SP4: variants seen among roughly 807,000 people sequenced by gnomAD.
The protein encoded by SP4 is Sp4 transcription factor.
In SP4, 19 loss-of-function variants were observed where a neutral mutation model predicts 72.8. That is an observed-to-expected ratio of 0.26 (90% CI 0.18 to 0.38). The LOEUF is 0.38. Among genes scored for constraint, SP4 ranks in the 10% least tolerant of loss-of-function variants. The pLI is 1.00. For synonymous variants in SP4, 395 were observed against 333.1 expected (o/e 1.19, Z -2.02); for missense variants, 1,008 against 926.3 (o/e 1.09, Z -1.14).
chr7:21,443,964 G>A (rs980009600), intron 3 of SP4, among the ~76,000 whole-genome samples: 1 of 152,166 alleles, frequency 6.6e-6, no homozygotes, highest in Non-Finnish European at 1.5e-5. Flanking sequence ...GATTTTGTTA[G>A]TATAGGTTTT....
At chr7:21,470,144 T>C (rs772368751) in intron 3 of SP4, among the ~76,000 whole-genome samples, 1 of 152,228 alleles carries the variant, frequency 6.6e-6, no homozygotes, top group Non-Finnish European at 1.5e-5. Context: ...CCCTGTGATA[T>C]ACTGCTGGCC....
Position 21,436,647 on chromosome 7 carries a change from G to A in SP4, c.1678+5804G>A, listed in dbSNP as rs544183058. On this transcript the variant is annotated intron_variant, in intron 3 of 5. Coordinates refer to ENST00000222584, the MANE Select transcript of SP4 (RefSeq NM_003112.5). ...AGTGTACACATATATGTGCTCTTCT[G>A]TACTTTTCTGATGCGGATTTGAGTT... Among the ~76,000 whole-genome samples the A allele has an allele frequency of 3.3e-5, 5 of 152,284 alleles. No homozygotes were observed. The South Asian group carries it at 8.3e-4, about 25-fold the overall frequency.
rs1554302799 is a variant in SP4 at position 21,514,541 on chromosome 7, A to AAAAAT, written c.*3275_*3276insATAAA. 3 of 151,868 alleles carry AAAAAT rather than the reference A, an allele frequency of 2.0e-5. No homozygotes were observed. The highest frequency in any genetic ancestry group is 7.3e-5 in the African/African-American group (3 of 41,322). 9.4% of individuals were successfully genotyped at this position (151,868 alleles called of 1,614,324 possible). Reference sequence around the variant, plus strand: ...TGTAAATTTTTTTTGTAAAAAAAAAAAAATGAAAAAAAAAGATGAATCCAG... The same window carrying AAAAAT: ...TGTAAATTTTTTTTGTAAAAAAAAAAAAAATAAATGAAAAAAAAAGATGAATCCAG... On this transcript the variant is annotated 3_prime_UTR_variant, in exon 6 of 6. Coordinates refer to ENST00000222584, the MANE Select transcript of SP4 (RefSeq NM_003112.5).
intron 3 of SP4, among the ~76,000 whole-genome samples, chr7:21,437,063 GT>G: frequency 6.6e-6 from 1 of 152,306 alleles, no homozygotes; most frequent in Non-Finnish European, 1.5e-5. Flanking sequence ...TTCAGATTCA[GT>G]TTCAGGCTAG....
chr7:21,483,587 G>A (rs1348571205), intron 5 of SP4, among the ~76,000 whole-genome samples: 1 of 151,784 alleles, frequency 6.6e-6, no homozygotes, highest in Non-Finnish European at 1.5e-5. Context: ...CATATGGAAA[G>A]CCCTTTCTTA....
chr7:21,481,819 A>T (rs1311822367), intron 4 of SP4, 105 bp from the exon 5 acceptor site: 2 of 810,966 alleles, frequency 2.5e-6, no homozygotes, highest in Non-Finnish European at 4.1e-6. Context: ...GATCAAACCT[A>T]TTCAGAGAAG....
chr7:21,430,625 A>G lies in SP4; in HGVS notation c.1460A>G (p.Asn487Ser). ...AGTCTTTCAAATTTGCAAGTTCAGA[A>G]TGCTGGGTTATCCCAACAATTAACC... is the stretch of plus-strand genomic sequence containing the variant. ...IQSLSNLQVQ[N>S]AGLSQQLTIT... Residue 487 changes from asparagine (N) to serine (S), a missense_variant, in exon 3 of 6, where the codon AAT (asparagine) becomes AGT (serine). Transcript: ENST00000222584. 1 of 1,614,240 alleles carries G rather than the reference A, an allele frequency of 6.2e-7. No individual in the cohort carries two copies. The highest frequency in any genetic ancestry group is 8.5e-7 in the Non-Finnish European group (1 of 1,180,044).
chr7:21,433,371 T>G (rs923384059), intron 3 of SP4, among the ~76,000 whole-genome samples: 1 of 152,206 alleles, frequency 6.6e-6, no homozygotes, highest in Non-Finnish European at 1.5e-5. Context: ...CTAATAAATA[T>G]GCTCAATCCT....
chr7:21,463,941 G>C (rs1784080635), intron 3 of SP4, among the ~76,000 whole-genome samples: 2 of 152,024 alleles, frequency 1.3e-5, no homozygotes, highest in South Asian at 4.1e-4. Flanking sequence ...TGTTTCTCTA[G>C]GTCTGACTGT....
chr7:21,470,764 A>AG (rs1784312013), intron 3 of SP4, among the ~76,000 whole-genome samples: 1 of 151,152 alleles, frequency 6.6e-6, no homozygotes, highest in Admixed American at 6.6e-5. Flanking sequence ...AAAAAAAAAA[A>AG]AAAAAGCAGA....
chr7:21,437,496 GT>G (rs1783086248), intron 3 of SP4, among the ~76,000 whole-genome samples: 1 of 152,066 alleles, frequency 6.6e-6, no homozygotes, highest in Admixed American at 6.5e-5. Flanking sequence ...TTTTGATGTA[GT>G]TTGACATTTT....
chr7:21,466,834 C>T (rs554923814), intron 3 of SP4, among the ~76,000 whole-genome samples: 1 of 151,360 alleles, frequency 6.6e-6, no homozygotes, highest in Non-Finnish European at 1.5e-5. Flanking sequence ...TCTCTCTAGT[C>T]ATATGTCTGT....
chr7:21,503,417 A>C (rs1781917986), intron 5 of SP4, among the ~76,000 whole-genome samples: 1 of 152,138 alleles, frequency 6.6e-6, no homozygotes, highest in African/African-American at 2.4e-5. Context: ...TTAGTTTTTA[A>C]GATTAGTTTG....
At chr7:21,474,371 G>A (rs1784432746) in intron 3 of SP4, among the ~76,000 whole-genome samples, 1 of 152,208 alleles carries the variant, frequency 6.6e-6, no homozygotes, top group African/African-American at 2.4e-5. Flanking sequence ...TAAAATACCT[G>A]CAGCTCCATA....
At chr7:21,502,013 T>A (rs1279595154) in intron 5 of SP4, among the ~76,000 whole-genome samples, 2 of 150,234 alleles carry the variant, frequency 1.3e-5, no homozygotes, top group Non-Finnish European at 2.9e-5. Context: ...AGCTGCTATT[T>A]GGTTTCGGGC....
chr7:21,489,553 C>CTTTTTTTTTTTTTTTT (rs1193080485), intron 5 of SP4, among the ~76,000 whole-genome samples: 16 of 82,518 alleles, frequency 1.9e-4, no homozygotes, highest in East Asian at 2.8e-4. Context: ...TTTCTTTTTT[C>CTTTTTTTTTTTTTTTT]TTTTTTTTTT....
chr7:21,509,700 A>C (rs1181472984), intron 5 of SP4, among the ~76,000 whole-genome samples: 1 of 152,218 alleles, frequency 6.6e-6, no homozygotes, highest in East Asian at 1.9e-4. Flanking sequence ...GAAAAAGAGA[A>C]TGTAAAGAAA....
chr7:21,481,446 A>G (rs1162571182), intron 4 of SP4, among the ~76,000 whole-genome samples: 1 of 151,984 alleles, frequency 6.6e-6, no homozygotes, highest in Non-Finnish European at 1.5e-5. Flanking sequence ...ATTTGCTGTT[A>G]TTTGCTTTTA....
At chr7:21,487,874 T>G (rs879477410) in intron 5 of SP4, among the ~76,000 whole-genome samples, 1 of 151,916 alleles carries the variant, frequency 6.6e-6, no homozygotes, top group African/African-American at 2.4e-5. Context: ...TTGTTTTGGT[T>G]TTTTTGAGAC....
Sources: gnomAD v4.1 joint callset for allele counts (sites outside exome capture counted in the v4.1 genomes callset) on GRCh38, gnomAD v4.1.1 for gene constraint, MANE v1.5 for transcripts, NCBI Gene and HGNC (gene_info 2026-07-23, HGNC 2026-07-21) for gene names.